NCOA1: variants seen among roughly 807,000 people sequenced by gnomAD.
NCOA1 encodes the protein nuclear receptor coactivator 1.
A neutral mutation model predicts 150.9 loss-of-function variants in NCOA1; 35 were observed. The observed-to-expected ratio is 0.23, with a 90% CI of 0.18 to 0.31. NCOA1 has a LOEUF of 0.31. NCOA1 is among the 10% of genes least tolerant of loss of function. NCOA1 has a pLI of 1.00. For missense variants in NCOA1, 1,491 were observed against 1,749.3 expected (o/e 0.85, Z 2.63); for synonymous variants, 590 against 630.0 (o/e 0.94, Z 0.95).
chr2:24,647,280 C>T (rs1471664314), intron 4 of NCOA1, among the ~76,000 whole-genome samples: 2 of 152,130 alleles, frequency 1.3e-5, no homozygotes, highest in Non-Finnish European at 2.9e-5. Flanking sequence ...AGTGATATAA[C>T]TTAAAGCGTA....
intron 8 of NCOA1, among the ~76,000 whole-genome samples, chr2:24,690,322 T>C (rs1426818157): frequency 6.6e-6 from 1 of 151,912 alleles, no homozygotes; most frequent in Non-Finnish European, 1.5e-5. Flanking sequence ...AGGAGGGTCA[T>C]TGGAGAGTTT....
intron 1 of NCOA1, among the ~76,000 whole-genome samples, chr2:24,509,022 T>C (rs956567568): frequency 7.9e-5 from 12 of 152,160 alleles, no homozygotes; most frequent in African/African-American, 2.9e-4. Flanking sequence ...TGAAGCAATA[T>C]TGTGTGGAAT....
intron 1 of NCOA1, among the ~76,000 whole-genome samples, chr2:24,537,359 G>A (rs1665198213): frequency 6.6e-6 from 1 of 151,958 alleles, no homozygotes; most frequent in Non-Finnish European, 1.5e-5. Flanking sequence ...TATGCTAAGT[G>A]AAGTAAGTCA....
intron 2 of NCOA1, among the ~76,000 whole-genome samples, chr2:24,570,993 A>G (rs1258872390): frequency 6.6e-6 from 1 of 152,224 alleles, no homozygotes; most frequent in Non-Finnish European, 1.5e-5. Flanking sequence ...ATTTGATATT[A>G]AAGAATTATT....
intron 1 of NCOA1, among the ~76,000 whole-genome samples, chr2:24,544,506 G>A: frequency 6.6e-6 from 1 of 152,272 alleles, no homozygotes; most frequent in East Asian, 1.9e-4. Flanking sequence ...ACTTTGGAAG[G>A]CCAAGGTGGT....
At chr2:24,692,417 C>T (rs1558291495) in intron 9 of NCOA1, among the ~76,000 whole-genome samples, 2 of 152,116 alleles carry the variant, frequency 1.3e-5, no homozygotes, top group Non-Finnish European at 2.9e-5. Flanking sequence ...GTTTAACATC[C>T]TCAAAACAAA....
chr2:24,508,920 C>A (rs1329804249), intron 1 of NCOA1, among the ~76,000 whole-genome samples: 1 of 152,152 alleles, frequency 6.6e-6, no homozygotes, highest in African/African-American at 2.4e-5. Context: ...AAAGTGATCA[C>A]CATGTTGTCT....
chr2:24,554,562 T>G (rs1665992325), intron 1 of NCOA1: 2 of 152,194 alleles, frequency 1.3e-5, no homozygotes, highest in South Asian at 4.1e-4. Context: ...CTTTGGGCAG[T>G]TGGATGCTGA....
chr2:24,493,292 C>T (rs1018332895), intron 1 of NCOA1, among the ~76,000 whole-genome samples: 3 of 151,852 alleles, frequency 2.0e-5, no homozygotes, highest in African/African-American at 7.3e-5. Flanking sequence ...TATATTTCTT[C>T]TTCAGACTCT....
intron 7 of NCOA1, among the ~76,000 whole-genome samples, chr2:24,682,128 C>A (rs972855670): frequency 6.6e-6 from 1 of 152,130 alleles, no homozygotes; most frequent in African/African-American, 2.4e-5. Context: ...TTTTTATGGT[C>A]ATTTTACATT....
intron 5 of NCOA1, chr2:24,659,051 A>T (rs867159503): frequency 3.3e-6 from 1 of 305,660 alleles, no homozygotes; most frequent in Non-Finnish European, 6.2e-6. Flanking sequence ...TGTTAGATCA[A>T]GTTCCTCCAT....
intron 1 of NCOA1, among the ~76,000 whole-genome samples, chr2:24,544,511 G>A: frequency 6.6e-6 from 1 of 152,208 alleles, no homozygotes; most frequent in Non-Finnish European, 1.5e-5. Flanking sequence ...GGAAGGCCAA[G>A]GTGGTGGATT....
intron 1 of NCOA1, among the ~76,000 whole-genome samples, chr2:24,521,064 A>G (rs1291353837): frequency 2.0e-5 from 3 of 151,874 alleles, no homozygotes; most frequent in Non-Finnish European, 4.4e-5. Context: ...CTTTGCTCAC[A>G]TCTTACCTTG....
intron 14 of NCOA1, among the ~76,000 whole-genome samples, chr2:24,713,267 A>T (rs897316913): frequency 8.6e-5 from 13 of 151,740 alleles, no homozygotes; most frequent in East Asian, 7.7e-4. Context: ...TTTAAAAATT[A>T]AATTTAATTT....
At chr2:24,756,074 A>AC (rs1277765638) in intron 20 of NCOA1, among the ~76,000 whole-genome samples, 1 of 90,676 alleles carries the variant, frequency 1.1e-5, no homozygotes, top group Non-Finnish European at 2.7e-5. Context: ...TCTCTACTAA[A>AC]AAAAAAAAAA....
chr2:24,646,601 T>C (rs937140080), intron 4 of NCOA1, among the ~76,000 whole-genome samples: 1 of 152,042 alleles, frequency 6.6e-6, no homozygotes, highest in Non-Finnish European at 1.5e-5. Flanking sequence ...GTCAGCTATT[T>C]TGTACAATGG....
intron 3 of NCOA1, among the ~76,000 whole-genome samples, chr2:24,585,167 T>C (rs1164811628): frequency 1.3e-5 from 2 of 152,220 alleles, no homozygotes; most frequent in African/African-American, 4.8e-5. Flanking sequence ...CACCCTAGTG[T>C]TTGCTAAATT....
At chr2:24,530,796 T>C (rs1664850839) in intron 1 of NCOA1, among the ~76,000 whole-genome samples, 1 of 151,652 alleles carries the variant, frequency 6.6e-6, no homozygotes, top group African/African-American at 2.4e-5. Context: ...AGGGGAAGAG[T>C]GAGGAGATGA....
chr2:24,747,989 C>G (rs1469516253), intron 19 of NCOA1, among the ~76,000 whole-genome samples: 2 of 152,030 alleles, frequency 1.3e-5, no homozygotes, highest in Non-Finnish European at 2.9e-5. Flanking sequence ...GCCTGTAATC[C>G]CAGCTACTCA....
Sources: allele counts gnomAD v4.1 joint callset (sites outside exome capture counted in the v4.1 genomes callset), GRCh38; gene constraint gnomAD v4.1.1; transcripts MANE v1.5; gene names NCBI Gene and HGNC (gene_info 2026-07-23, HGNC 2026-07-21).